The following RBPJ variants were observed in gnomAD, a reference collection of about 807,000 sequenced individuals.
RBPJ encodes recombining binding protein suppressor of hairless.
In RBPJ, 9 loss-of-function variants were observed where a neutral mutation model predicts 67.8. The ratio of observed to expected loss-of-function variants is 0.13; its 90% confidence interval spans 0.08 to 0.23. The LOEUF (loss-of-function observed/expected upper bound fraction) is 0.23. RBPJ is among the 10% of genes least tolerant of loss of function. RBPJ has a pLI of 1.00. For synonymous variants in RBPJ, 198 were observed against 203.3 expected, an observed-to-expected ratio of 0.97 and a Z score of 0.22; for missense variants, 305 against 595.6, an observed-to-expected ratio of 0.51 and a Z score of 5.08.
intron 2 of RBPJ, among the ~76,000 whole-genome samples, chr4:26,390,009 G>A (rs1312781615): frequency 2.0e-5 from 3 of 152,172 alleles, no homozygotes; most frequent in Non-Finnish European, 4.4e-5. Flanking sequence ...TTACTGTCCA[G>A]TATCCCTTGT....
rs1409927524 is a variant in RBPJ, at chr4:26,415,555, G to T, written c.236G>T (p.Cys79Phe). 2 of 1,613,208 alleles carry T rather than the reference G, an allele frequency of 1.2e-6. No homozygotes were observed. Among genetic ancestry groups the T allele is most frequent in the Admixed American group, 3.3e-5 (2 of 59,924 alleles). ...KKKEQMERDG[C>F]SEQESQPCAF... ...AAAGAACAAATGGAACGCGATGGTTGTTCTGAACAAGAGTCTCAACCGTGT... is the reference window on the plus strand; with the variant it reads ...AAAGAACAAATGGAACGCGATGGTTTTTCTGAACAAGAGTCTCAACCGTGT... Residue 79 changes from cysteine (C) to phenylalanine (F), a missense_variant, in exon 4 of 11, where the codon TGT becomes TTT. Cys to Phe is a radical substitution (Grantham distance 205, BLOSUM62 -2). This residue lies in a region of RBPJ where 79 missense variants were observed against 106.2 expected (regional missense o/e 0.74). Coordinates refer to ENST00000355476, the MANE Select transcript of RBPJ (RefSeq NM_015874.6).
chr4:26,314,394 G>A (rs1385926707), intron 1 of RBPJ, among the ~76,000 whole-genome samples: 2 of 152,190 alleles, frequency 1.3e-5, no homozygotes, highest in Admixed American at 6.6e-5. Context: ...AACAGGTAGT[G>A]ACAAATTTTG....
upstream of RBPJ, among the ~76,000 whole-genome samples, chr4:26,158,945 T>TTCTCTC (rs5856933): frequency 0.1 from 14,291 of 136,572 alleles, 1,039 homozygotes; most frequent in Non-Finnish European, 0.12. Context: ...CTCTCTCTCT[T>TTCTCTC]TCTCTCTCTC....
chr4:26,316,482 C>CATTCAT (rs1722627286), upstream of RBPJ, among the ~76,000 whole-genome samples: 1 of 73,810 alleles, frequency 1.4e-5, no homozygotes, highest in African/African-American at 5.7e-5. Flanking sequence ...TTCATATATA[C>CATTCAT]ATATTCATAT....
the RBPJ span, among the ~76,000 whole-genome samples, chr4:26,120,930 G>T: frequency 6.6e-6 from 1 of 150,642 alleles, no homozygotes; most frequent in East Asian, 1.9e-4. Context: ...TTCAAAATAA[G>T]GAAGGAAGGA....
upstream of RBPJ, among the ~76,000 whole-genome samples, chr4:26,161,839 T>G (rs1716086412): frequency 6.6e-6 from 1 of 152,138 alleles, no homozygotes. Flanking sequence ...GTGGGCAACA[T>G]CCCATTATTG....
chr4:26,360,530 A>G (rs1727925980), intron 1 of RBPJ, among the ~76,000 whole-genome samples: 1 of 151,920 alleles, frequency 6.6e-6, no homozygotes. Flanking sequence ...ACCTCACAGC[A>G]TAAAGGAAGG....
chr4:26,384,313 T>C (rs1577575109), intron 1 of RBPJ, among the ~76,000 whole-genome samples: 1 of 152,310 alleles, frequency 6.6e-6, no homozygotes, highest in Non-Finnish European at 1.5e-5. Flanking sequence ...AATATTCCAG[T>C]CACAGATACT....
intron 1 of RBPJ, among the ~76,000 whole-genome samples, chr4:26,258,119 T>G (rs1292899339): frequency 6.6e-6 from 1 of 152,260 alleles, no homozygotes; most frequent in Admixed American, 6.5e-5. Context: ...ATGGTCTCAG[T>G]GGCTGCACAG....
At chr4:26,324,255 G>C (rs1723382886) in intron 1 of RBPJ, among the ~76,000 whole-genome samples, 1 of 152,176 alleles carries the variant, frequency 6.6e-6, no homozygotes, top group African/African-American at 2.4e-5. Flanking sequence ...TTCTTGGCAA[G>C]ACACAGTAGC....
At chr4:26,390,974 C>T (rs1731438532) in intron 2 of RBPJ, among the ~76,000 whole-genome samples, 1 of 152,092 alleles carries the variant, frequency 6.6e-6, no homozygotes, top group African/African-American at 2.4e-5. Context: ...GGAGGATTGC[C>T]TGAGCCCAGG....
chr4:26,339,367 T>C (rs1473498785), intron 1 of RBPJ, among the ~76,000 whole-genome samples: 2 of 151,776 alleles, frequency 1.3e-5, no homozygotes, highest in Non-Finnish European at 2.9e-5. Flanking sequence ...CAGTCCGGGG[T>C]TCATGCCTGT....
At chr4:26,213,062 T>C (rs998662765) in intron 1 of RBPJ, among the ~76,000 whole-genome samples, 1 of 152,210 alleles carries the variant, frequency 6.6e-6, no homozygotes, top group African/African-American at 2.4e-5. Context: ...TCCTTTAAAA[T>C]GTCCTTTATA....
At chr4:26,294,967 G>C (rs1337568110) in intron 1 of RBPJ, among the ~76,000 whole-genome samples, 1 of 152,144 alleles carries the variant, frequency 6.6e-6, no homozygotes, top group Non-Finnish European at 1.5e-5. Flanking sequence ...ATGACGGAAA[G>C]AGGAATCAGG....
rs374308399 is a variant in RBPJ at position 26,392,425 on chromosome 4, A to C, written c.59+6034A>C. On this transcript the variant is annotated intron_variant, in intron 2 of 10. Transcript: ENST00000355476. The stretch of plus-strand genomic sequence containing the variant: ...ATACATAACCCCAATATCCAGCAAC[A>C]GGTGAGTGGATCAACAAATTGTAGT... 4.2e-4 allele frequency among the ~76,000 whole-genome samples: 64 copies of C among 152,350 alleles called. No homozygotes were observed. In the South Asian group the frequency reaches 0.011, roughly 26 times the overall value.
At chr4:26,311,251 G>A (rs1241039740) in intron 1 of RBPJ, among the ~76,000 whole-genome samples, 1 of 152,000 alleles carries the variant, frequency 6.6e-6, no homozygotes, top group Non-Finnish European at 1.5e-5. Flanking sequence ...ATGCATCACT[G>A]TGGGGCCAGG....
chr4:26,362,459 G>A (rs1728165334), intron 1 of RBPJ: 1 of 1,446,040 alleles, frequency 6.9e-7, no homozygotes, highest in East Asian at 2.5e-5. Flanking sequence ...TTGAAATTAT[G>A]AGACTATCAT....
intron 2 of RBPJ, among the ~76,000 whole-genome samples, chr4:26,403,081 T>C (rs1400452239): frequency 6.6e-6 from 1 of 152,206 alleles, no homozygotes; most frequent in African/African-American, 2.4e-5. Flanking sequence ...AACTAAAAAG[T>C]AAAATTAATT....
At chr4:26,126,526 G>C in the RBPJ span, among the ~76,000 whole-genome samples, 41,552 of 152,164 alleles carry the variant, frequency 0.27, 6,066 homozygotes, top group Non-Finnish European at 0.31. Flanking sequence ...GTGGACTCTT[G>C]AAAGTGCTGT....
Sources: allele counts gnomAD v4.1 joint callset (sites outside exome capture counted in the v4.1 genomes callset), GRCh38; gene constraint gnomAD v4.1.1; regional missense constraint gnomAD v4.1.1; transcripts MANE v1.5; gene names NCBI Gene and HGNC (gene_info 2026-07-23, HGNC 2026-07-21).